Variants in VIT observed in about 807,000 individuals in gnomAD.
VIT encodes vitrin.
VIT carries 99 observed loss-of-function variants against 78.0 expected under a neutral mutation model. The observed-to-expected ratio is 1.27, with a 90% confidence interval of 1.08 to 1.50. VIT has a LOEUF of 1.50. Among genes scored for constraint, VIT ranks in the 40% most tolerant of loss-of-function variants. VIT has a pLI of 0.00. For missense variants in VIT, 1,126 were observed against 875.3 expected, an observed-to-expected ratio of 1.29 and a Z score of -3.61; for synonymous variants, 374 against 334.3, an observed-to-expected ratio of 1.12 and a Z score of -1.29.
intron 9 of VIT, among the ~76,000 whole-genome samples, chr2:36,780,590 T>C (rs1664679789): frequency 6.6e-6 from 1 of 152,200 alleles, no homozygotes; most frequent in Non-Finnish European, 1.5e-5. Flanking sequence ...ACACACCTGG[T>C]TAATGACCGA....
At chr2:36,808,038 A>C (rs1427878257) in intron 14 of VIT, among the ~76,000 whole-genome samples, 1 of 152,210 alleles carries the variant, frequency 6.6e-6, no homozygotes, top group African/African-American at 2.4e-5. Flanking sequence ...AGACATTTCC[A>C]TAGCGATTTC....
intron 4 of VIT, among the ~76,000 whole-genome samples, chr2:36,749,493 T>G (rs1558537377): frequency 6.6e-6 from 1 of 152,254 alleles, no homozygotes; most frequent in Non-Finnish European, 1.5e-5. Context: ...GCATTAAGAC[T>G]AGCCTGTATG....
intron 3 of VIT, among the ~76,000 whole-genome samples, chr2:36,741,041 AT>A (rs971251541): frequency 6.6e-6 from 1 of 152,198 alleles, no homozygotes; most frequent in African/African-American, 2.4e-5. Context: ...GTCACTTCCT[AT>A]TTCAAAAAAT....
chr2:36,799,411 C>T (rs1572562673), intron 12 of VIT, among the ~76,000 whole-genome samples: 1 of 152,146 alleles, frequency 6.6e-6, no homozygotes, highest in Admixed American at 6.5e-5. Flanking sequence ...TGTAGAAAGG[C>T]TACTTTAAAA....
At chr2:36,813,165 T>C (rs1667310006) in intron 15 of VIT, among the ~76,000 whole-genome samples, 3 of 147,070 alleles carry the variant, frequency 2.0e-5, no homozygotes, top group Admixed American at 6.8e-5. Flanking sequence ...AAAAATCCAA[T>C]GAGGCCAGGC....
chr2:36,814,545 A>T lies in VIT; in HGVS notation c.*184A>T. 1.4e-6 allele frequency: 1 copy of T among 730,316 alleles called. No individual in the cohort carries two copies. Among genetic ancestry groups the T allele is most frequent in the South Asian group, 2.2e-5 (1 of 45,926 alleles). The allele number at this position is 730,316 out of a possible 1,614,324, so 45.2% of individuals were successfully genotyped here. A position where few individuals can be genotyped will look rare whatever the true frequency, so the allele number is the denominator to read the frequency against. ...TCCAAAACTTGGAGTTACAAAGATGATCACAAACGTATAGAATGAGCCAAA... is the reference window on the plus strand; with the variant it reads ...TCCAAAACTTGGAGTTACAAAGATGTTCACAAACGTATAGAATGAGCCAAA... On this transcript the variant is annotated 3_prime_UTR_variant, in exon 16 of 16. Transcript: ENST00000379242.
chr2:36,813,740 T>C (rs1325069298), intron 15 of VIT, among the ~76,000 whole-genome samples: 3 of 152,194 alleles, frequency 2.0e-5, no homozygotes, highest in Admixed American at 2.0e-4. Context: ...TTTAAGGCTC[T>C]CTCAGATTTT....
chr2:36,779,317 C>T (rs1286414607), intron 9 of VIT, among the ~76,000 whole-genome samples: 1 of 152,250 alleles, frequency 6.6e-6, no homozygotes, highest in Non-Finnish European at 1.5e-5. Context: ...ATCATAGCTG[C>T]ACCTAACTCA....
intron 4 of VIT, among the ~76,000 whole-genome samples, chr2:36,746,663 G>T (rs1482264852): frequency 6.6e-6 from 1 of 152,010 alleles, no homozygotes; most frequent in Non-Finnish European, 1.5e-5. Context: ...TGTCATTTCA[G>T]ATTGTGCATT....
rs572961377 is a variant in VIT, at chr2:36,768,994, G to C, written c.679+1709G>C. On this transcript the variant is annotated intron_variant, in intron 7 of 15. Coordinates refer to ENST00000379242, the MANE Select transcript of VIT (RefSeq NM_053276.4). Reference sequence around the variant, plus strand: ...CCGCAAAAAGAATTTTTGGTGTTCTGAAATACATCAAACACTCCTCCACCA... The same window carrying C: ...CCGCAAAAAGAATTTTTGGTGTTCTCAAATACATCAAACACTCCTCCACCA... 2.6e-5 allele frequency among the ~76,000 whole-genome samples: 4 copies of C among 152,290 alleles called. No homozygotes were observed. In the South Asian group the frequency reaches 8.3e-4, roughly 32 times the overall value.
In VIT at chr2:36,743,184, A is replaced by T; in HGVS notation, c.203A>T (p.Asp68Val). The T allele has an allele frequency of 6.2e-7, 1 of 1,613,976 alleles. No individual in the cohort carries two copies. Among genetic ancestry groups the T allele is most frequent in the Non-Finnish European group, 8.5e-7 (1 of 1,179,950 alleles). Residue 68 changes from aspartate (D) to valine (V), a missense_variant, in exon 4 of 16, where the codon GAC (aspartate) becomes GTC (valine). Asp to Val is a radical substitution (Grantham distance 152). Transcript: ENST00000379242. The stretch of plus-strand genomic sequence containing the variant: ...GTGAAATGTCCAGCAGGATGCCAAG[A>T]CCCCAAATACCATGTTTATGGCACT... ...FIVKCPAGCQ[D>V]PKYHVYGTDV...
intron 12 of VIT, among the ~76,000 whole-genome samples, chr2:36,799,967 G>C (rs1240349276): frequency 6.6e-6 from 1 of 150,964 alleles, no homozygotes; most frequent in Admixed American, 6.6e-5. Context: ...AGAATCACTT[G>C]AACCCGGGAG....
chr2:36,772,367 T>C (rs1024052504), intron 7 of VIT, among the ~76,000 whole-genome samples: 4 of 151,836 alleles, frequency 2.6e-5, no homozygotes, highest in African/African-American at 9.7e-5. Flanking sequence ...AGAAAACCCA[T>C]CTCTAATAAA....
chr2:36,804,466 C>T (rs938933864), intron 13 of VIT, among the ~76,000 whole-genome samples: 1 of 152,192 alleles, frequency 6.6e-6, no homozygotes, highest in African/African-American at 2.4e-5. Flanking sequence ...CCACCCTACA[C>T]TCTTGGAAAC....
intron 14 of VIT, among the ~76,000 whole-genome samples, chr2:36,806,885 G>A (rs896435598): frequency 6.6e-6 from 1 of 152,066 alleles, no homozygotes; most frequent in Non-Finnish European, 1.5e-5. Flanking sequence ...CTTGAGCTCT[G>A]TAGCCATCCA....
chr2:36,767,479 C>T (rs1292733502), intron 7 of VIT, among the ~76,000 whole-genome samples, 194 bp downstream of exon 7: 9 of 152,286 alleles, frequency 5.9e-5, no homozygotes, highest in Admixed American at 2.6e-4. Flanking sequence ...CTGCTGTCAC[C>T]GTACTTCTGA....
intron 1 of VIT, among the ~76,000 whole-genome samples, chr2:36,700,373 T>G (rs1664975049): frequency 6.6e-6 from 1 of 152,024 alleles, no homozygotes; most frequent in African/African-American, 2.4e-5. Flanking sequence ...TTGCAAGATG[T>G]TGGTGGTGAT....
chr2:36,703,330 G>A (rs906557124), intron 1 of VIT, among the ~76,000 whole-genome samples: 3 of 152,074 alleles, frequency 2.0e-5, no homozygotes, highest in African/African-American at 7.2e-5. Flanking sequence ...AGAGGAGCAG[G>A]TGGCTCCCCT....
intron 14 of VIT, among the ~76,000 whole-genome samples, chr2:36,807,670 G>A (rs1025003944): frequency 5.3e-5 from 8 of 152,176 alleles, no homozygotes; most frequent in African/African-American, 1.9e-4. Flanking sequence ...CCACGCCTTG[G>A]GAACATTATA....
Sources: allele counts gnomAD v4.1 joint callset (sites outside exome capture counted in the v4.1 genomes callset), GRCh38; gene constraint gnomAD v4.1.1; transcripts MANE v1.5; gene names NCBI Gene and HGNC (gene_info 2026-07-23, HGNC 2026-07-21).